Variants in CACNB2 observed in about 807,000 individuals in gnomAD.
CACNB2 encodes the protein calcium voltage-gated channel auxiliary subunit beta 2, also known as voltage-dependent L-type calcium channel subunit beta-2.
A neutral mutation model predicts 73.3 loss-of-function variants in CACNB2; 42 were observed. That is an observed-to-expected ratio of 0.57 (90% CI 0.45 to 0.74). CACNB2 has a LOEUF of 0.74. Ranked by LOEUF, CACNB2 falls within the 30% of genes least tolerant of loss-of-function variation. CACNB2 has a pLI of 0.00. For synonymous variants in CACNB2, 348 were observed against 310.3 expected (o/e 1.12, Z -1.28); for missense variants, 940 against 853.0 (o/e 1.10, Z -1.27).
intron 2 of CACNB2, chr10:18,340,889 C>A (rs1170240199): frequency 5.0e-6 from 8 of 1,613,980 alleles, no homozygotes. Flanking sequence ...GAAGAAAATT[C>A]CTGCTGGAGT....
intron 2 of CACNB2, among the ~76,000 whole-genome samples, chr10:18,161,910 C>T (rs1029416845): frequency 4.0e-5 from 6 of 151,838 alleles, no homozygotes; most frequent in South Asian, 2.1e-4. Flanking sequence ...GCCTGGGTGA[C>T]GGAGTGAGAC....
chr10:18,361,754 A>G (rs1387461315), intron 2 of CACNB2, among the ~76,000 whole-genome samples: 4 of 151,962 alleles, frequency 2.6e-5, no homozygotes, highest in South Asian at 4.2e-4. Flanking sequence ...CGGGGATTAC[A>G]GGTGCATGCC....
intron 2 of CACNB2, among the ~76,000 whole-genome samples, chr10:18,395,115 GGAGA>G (rs757732654): frequency 6.6e-6 from 1 of 151,122 alleles, no homozygotes; most frequent in South Asian, 2.1e-4. Flanking sequence ...AAAAGAGAAG[GGAGA>G]GAGAGAGAGA....
intron 9 of CACNB2, among the ~76,000 whole-genome samples, chr10:18,519,389 C>A (rs1185748894): frequency 1.3e-5 from 2 of 152,162 alleles, no homozygotes. Context: ...AACTTGCTTC[C>A]GTGTCATTGA....
chr10:18,323,487 G>T (rs898086198), intron 2 of CACNB2, among the ~76,000 whole-genome samples: 8 of 151,658 alleles, frequency 5.3e-5, no homozygotes, highest in African/African-American at 1.9e-4. Context: ...ACTAAATGTT[G>T]GTGAACATTT....
chr10:18,313,352 C>T (rs923640607), intron 2 of CACNB2, among the ~76,000 whole-genome samples: 1 of 149,984 alleles, frequency 6.7e-6, no homozygotes, highest in Admixed American at 6.7e-5. Flanking sequence ...TGGTTAGCAG[C>T]GTCCCTGGCC....
chr10:18,250,896 C>A (rs775672373), intron 2 of CACNB2, among the ~76,000 whole-genome samples: 1 of 152,254 alleles, frequency 6.6e-6, no homozygotes, highest in Non-Finnish European at 1.5e-5. Flanking sequence ...GTCTCTGGAA[C>A]TTCTCATTGG....
chr10:18,392,656 A>T (rs1427599543), intron 2 of CACNB2, among the ~76,000 whole-genome samples: 1 of 152,194 alleles, frequency 6.6e-6, no homozygotes, highest in Non-Finnish European at 1.5e-5. Flanking sequence ...GATTCAAATG[A>T]TTCAATAGAA....
At chr10:18,501,470 T>A (rs2050189041) in intron 5 of CACNB2, among the ~76,000 whole-genome samples, 1 of 152,242 alleles carries the variant, frequency 6.6e-6, no homozygotes, top group Non-Finnish European at 1.5e-5. Flanking sequence ...TAAAACTGCC[T>A]GTGCAGATGG....
chr10:18,162,191 A>G lies in CACNB2; in HGVS notation c.213+11216A>G, dbSNP rs191675899. Among the ~76,000 whole-genome samples, 5 of 152,334 alleles carry G rather than the reference A, an allele frequency of 3.3e-5. No homozygotes were observed. In the East Asian group the frequency reaches 9.6e-4, roughly 29 times the overall value. ...AAGTAATTTTATACTTCCATTTCTC[A>G]TAGCACATTACCTCATCTATTGAGT... is the stretch of plus-strand genomic sequence containing the variant. On this transcript the variant is annotated intron_variant, in intron 2 of 13. Transcript: ENST00000324631.
At chr10:18,321,183 C>A (rs2040384873) in intron 2 of CACNB2, among the ~76,000 whole-genome samples, 1 of 152,168 alleles carries the variant, frequency 6.6e-6, no homozygotes, top group African/African-American at 2.4e-5. Context: ...GACATTTTCT[C>A]AGATAAGTGG....
At chr10:18,538,147 C>T (rs1208830473) in intron 12 of CACNB2, 33 bp from the exon 13 acceptor site, 6 of 1,611,072 alleles carry the variant, frequency 3.7e-6, no homozygotes, top group East Asian at 2.2e-5. Context: ...ACTGGGCTGG[C>T]ATCAATGTGG....
intron 2 of CACNB2, chr10:18,261,430 A>G: frequency 7.2e-7 from 1 of 1,395,946 alleles, no homozygotes; most frequent in Non-Finnish European, 9.9e-7. Flanking sequence ...AACCAACCAG[A>G]CAGTCGATCA....
chr10:18,198,295 A>G (rs1044268930), intron 2 of CACNB2, among the ~76,000 whole-genome samples: 5 of 151,782 alleles, frequency 3.3e-5, no homozygotes, highest in South Asian at 2.1e-4. Context: ...TTTAAAGCTC[A>G]TATGTTCCCA....
rs533409434 is a variant in CACNB2, at chr10:18,447,431, G to T, written c.333+45388G>T. Reference sequence around the variant, plus strand: ...TAGTAGGGAAAGGAGAATTTGAGTGGAGCGAATGACAGAATGTTGGGAAAG... The same window carrying T: ...TAGTAGGGAAAGGAGAATTTGAGTGTAGCGAATGACAGAATGTTGGGAAAG... On this transcript the variant is annotated intron_variant, in intron 3 of 13. Transcript: ENST00000324631. Among the ~76,000 whole-genome samples, 3 of 152,216 alleles carry T rather than the reference G, an allele frequency of 2.0e-5. No individual in the cohort carries two copies. In the East Asian group the frequency reaches 5.8e-4, roughly 29 times the overall value.
At chr10:18,467,699 C>T (rs1313981310) in intron 3 of CACNB2, among the ~76,000 whole-genome samples, 3 of 152,160 alleles carry the variant, frequency 2.0e-5, no homozygotes, top group Non-Finnish European at 2.9e-5. Flanking sequence ...TTATTTGTCC[C>T]CTCAACCCAA....
At chr10:18,428,349 C>T (rs899842041) in intron 3 of CACNB2, among the ~76,000 whole-genome samples, 1 of 152,140 alleles carries the variant, frequency 6.6e-6, no homozygotes, top group African/African-American at 2.4e-5. Flanking sequence ...TTGCATGCTG[C>T]AGTTTTTCTT....
intron 3 of CACNB2, among the ~76,000 whole-genome samples, chr10:18,483,728 T>A (rs2048913166): frequency 6.6e-6 from 1 of 152,222 alleles, no homozygotes; most frequent in African/African-American, 2.4e-5. Context: ...CCCGTGCTTG[T>A]CAGCATGTAC....
intron 2 of CACNB2, among the ~76,000 whole-genome samples, chr10:18,245,406 T>A (rs1016418700): frequency 6.6e-6 from 1 of 152,136 alleles, no homozygotes; most frequent in African/African-American, 2.4e-5. Flanking sequence ...GCAGCCTCTG[T>A]CCTTCCCTGG....
Sources: gnomAD v4.1 joint callset for allele counts (sites outside exome capture counted in the v4.1 genomes callset) on GRCh38, gnomAD v4.1.1 for gene constraint, MANE v1.5 for transcripts, NCBI Gene and HGNC (gene_info 2026-07-23, HGNC 2026-07-21) for gene names.